Variants in C1QTNF7 observed in about 807,000 individuals in gnomAD.
The protein encoded by C1QTNF7 is C1q and TNF related 7, also known as complement C1q tumor necrosis factor-related protein 7.
C1QTNF7 carries 15 observed loss-of-function variants against 19.6 expected under a neutral mutation model. That is an observed-to-expected ratio of 0.76 (90% CI 0.51 to 1.18). The LOEUF (loss-of-function observed/expected upper bound fraction) is 1.18. C1QTNF7 is among the 50% of genes most tolerant of loss of function. The probability of loss-of-function intolerance (pLI) is 0.00; values close to 1 mark genes in which losing one functional copy is unlikely to be tolerated. For missense variants in C1QTNF7, 324 were observed against 359.7 expected, an observed-to-expected ratio of 0.90 and a Z score of 0.80; for synonymous variants, 142 against 137.5, an observed-to-expected ratio of 1.03 and a Z score of -0.23.
At chr4:15,398,322 C>A (rs936383266) in intron 1 of C1QTNF7, among the ~76,000 whole-genome samples, 10 of 152,148 alleles carry the variant, frequency 6.6e-5, no homozygotes, top group African/African-American at 2.2e-4. Context: ...ACACTAAAGG[C>A]AAAGCTAATT....
chr4:15,370,309 T>C (rs772240706), intron 1 of C1QTNF7, among the ~76,000 whole-genome samples: 10 of 152,216 alleles, frequency 6.6e-5, no homozygotes, highest in Non-Finnish European at 1.3e-4. Context: ...TGGGAAGCCA[T>C]AGGAAAGTGT....
rs77555807 is a variant in C1QTNF7, at chr4:15,406,137, G to T, written c.14-29599G>T. ...CGCTGTTGGAATAATCACTGCATTTGCTTGCTGGCTTGATGTCTGCCTTCT... is the reference window on the plus strand; with the variant it reads ...CGCTGTTGGAATAATCACTGCATTTTCTTGCTGGCTTGATGTCTGCCTTCT... On this transcript the variant is annotated intron_variant, in intron 1 of 2. Coordinates refer to the C1QTNF7 transcript ENST00000295297. Among the ~76,000 whole-genome samples the T allele has an allele frequency of 8.7e-3, 1,322 of 152,256 alleles. 23 individuals are homozygous for T. Among genetic ancestry groups the T allele is most frequent in the African/African-American group, 0.03 (1,245 of 41,528 alleles).
intron 1 of C1QTNF7, among the ~76,000 whole-genome samples, chr4:15,402,838 T>G (rs987681449): frequency 2.6e-5 from 4 of 152,214 alleles, no homozygotes; most frequent in African/African-American, 9.6e-5. Context: ...AAAAATAGCA[T>G]GCGTAGTATG....
chr4:15,416,855 T>C (rs1719625204), intron 1 of C1QTNF7, among the ~76,000 whole-genome samples: 1 of 152,180 alleles, frequency 6.6e-6, no homozygotes, highest in Non-Finnish European at 1.5e-5. Context: ...ATGTTAAAAG[T>C]CAGAGGCTTC....
intron 1 of C1QTNF7, among the ~76,000 whole-genome samples, chr4:15,343,703 C>T (rs1445992537): frequency 6.6e-6 from 1 of 152,154 alleles, no homozygotes; most frequent in Non-Finnish European, 1.5e-5. Context: ...AGAGAATTCA[C>T]AGTGAGTGGG....
At chr4:15,350,981 A>G (rs1716916458) in intron 1 of C1QTNF7, among the ~76,000 whole-genome samples, 1 of 152,234 alleles carries the variant, frequency 6.6e-6, no homozygotes, top group African/African-American at 2.4e-5. Flanking sequence ...AACTTGGATT[A>G]AAATCCAAGC....
intron 1 of C1QTNF7, among the ~76,000 whole-genome samples, chr4:15,353,049 T>C (rs1326843864): frequency 6.6e-6 from 1 of 152,186 alleles, no homozygotes; most frequent in Non-Finnish European, 1.5e-5. Flanking sequence ...AATAGCTGCA[T>C]AATCTGTGTC....
At chr4:15,419,701 G>T (rs28390359) in intron 1 of C1QTNF7, among the ~76,000 whole-genome samples, 4,052 of 152,130 alleles carry the variant, frequency 0.027, 198 homozygotes, top group African/African-American at 0.092. Flanking sequence ...CATAGGACAA[G>T]AATAGATAAT....
At chr4:15,411,567 G>T (rs1351066539) in intron 1 of C1QTNF7, among the ~76,000 whole-genome samples, 1 of 152,310 alleles carries the variant, frequency 6.6e-6, no homozygotes, top group South Asian at 2.1e-4. Context: ...ATGTGAAAGT[G>T]GTTAGTAGGA....
chr4:15,412,765 C>G (rs1719451717), intron 1 of C1QTNF7, among the ~76,000 whole-genome samples: 1 of 152,198 alleles, frequency 6.6e-6, no homozygotes, highest in Non-Finnish European at 1.5e-5. Flanking sequence ...TGAAAAGACA[C>G]AAGTGCATCT....
intron 1 of C1QTNF7, among the ~76,000 whole-genome samples, chr4:15,369,689 A>C (rs539934696): frequency 1.3e-5 from 2 of 152,338 alleles, no homozygotes; most frequent in Non-Finnish European, 2.9e-5. Flanking sequence ...ACTTACATAT[A>C]ATGTAATGAT....
intron 1 of C1QTNF7, among the ~76,000 whole-genome samples, chr4:15,431,505 T>C (rs1007544659): frequency 4.6e-4 from 70 of 152,210 alleles, no homozygotes; most frequent in African/African-American, 1.6e-3. Context: ...AAAAAATTAA[T>C]TTTAAAATAT....
chr4:15,360,471 TC>T (rs1717298911), intron 1 of C1QTNF7, among the ~76,000 whole-genome samples: 1 of 152,176 alleles, frequency 6.6e-6, no homozygotes. Flanking sequence ...ATGGCCAACA[TC>T]GCTGTAACTC....
intron 1 of C1QTNF7, among the ~76,000 whole-genome samples, chr4:15,395,793 T>A (rs1477456881): frequency 6.6e-6 from 1 of 152,016 alleles, no homozygotes. Flanking sequence ...GAAACACATA[T>A]TAGTATCACC....
At chr4:15,387,679 CA>C (rs1718390755) in intron 1 of C1QTNF7, among the ~76,000 whole-genome samples, 1 of 152,022 alleles carries the variant, frequency 6.6e-6, no homozygotes, top group Non-Finnish European at 1.5e-5. Flanking sequence ...ATCCTTTATT[CA>C]AGGACTTTGA....
intron 1 of C1QTNF7, among the ~76,000 whole-genome samples, chr4:15,372,228 G>A (rs890247731): frequency 2.6e-5 from 4 of 152,062 alleles, no homozygotes; most frequent in East Asian, 1.9e-4. Flanking sequence ...CCCCTATTAC[G>A]GCTTTATCAG....
rs1712952522 is a variant in C1QTNF7 at position 15,445,348 on chromosome 4, A to G, written c.*2549A>G. Reference sequence around the variant, plus strand: ...ACAAGATTTGCTAGATAAACTGGAAATGGAGAAGTTATTGCAGACAGTCAT... The same window carrying G: ...ACAAGATTTGCTAGATAAACTGGAAGTGGAGAAGTTATTGCAGACAGTCAT... On this transcript the variant is annotated 3_prime_UTR_variant, in exon 3 of 3. Transcript: ENST00000444304. 1 of 152,250 alleles carries G rather than the reference A, an allele frequency of 6.6e-6. No individual in the cohort carries two copies. Among genetic ancestry groups the G allele is most frequent in the South Asian group, 2.1e-4 (1 of 4,834 alleles). The allele number at this position is 152,250 out of a possible 1,614,324, so 9.4% of individuals were successfully genotyped here.
At chr4:15,384,173 T>C (rs1718248599) in intron 1 of C1QTNF7, among the ~76,000 whole-genome samples, 1 of 152,154 alleles carries the variant, frequency 6.6e-6, no homozygotes, top group Admixed American at 6.5e-5. Context: ...CTCTAGGAGG[T>C]TGAACCTGGG....
In C1QTNF7 at chr4:15,444,937, G is replaced by A. The variant is rs1282277226; in HGVS notation, c.*2138G>A. On this transcript the variant is annotated 3_prime_UTR_variant, in exon 3 of 3. Transcript: ENST00000444304. ...GGATTTATTCATAAGAAAGTGTAGA[G>A]ACCCTGTGTATTTCAGAGCTGGATA... is the stretch of plus-strand genomic sequence containing the variant. 6.6e-6 allele frequency: 1 copy of A among 152,206 alleles called. No homozygotes were observed. Among genetic ancestry groups the A allele is most frequent in the East Asian group, 1.9e-4 (1 of 5,180 alleles). The allele number at this position is 152,206 out of a possible 1,614,324, so 9.4% of individuals were successfully genotyped here. A position where few individuals can be genotyped will look rare whatever the true frequency, so the allele number is the denominator to read the frequency against.
Sources: allele counts gnomAD v4.1 joint callset (sites outside exome capture counted in the v4.1 genomes callset), GRCh38; gene constraint gnomAD v4.1.1; transcripts MANE v1.5; gene names NCBI Gene and HGNC (gene_info 2026-07-23, HGNC 2026-07-21).